The following LDAH variants were observed in gnomAD, a reference collection of about 807,000 sequenced individuals.
LDAH encodes lipid droplet-associated hydrolase.
A neutral mutation model predicts 29.6 loss-of-function variants in LDAH; 26 were observed. The ratio of observed to expected loss-of-function variants is 0.88; its 90% CI spans 0.64 to 1.22. LDAH has a LOEUF of 1.22. Ranked by LOEUF, LDAH falls within the 50% of genes most tolerant of loss-of-function variation. LDAH has a pLI of 0.00. For missense variants in LDAH, 344 were observed against 387.3 expected (o/e 0.89, Z 0.94); for synonymous variants, 117 against 133.0 (o/e 0.88, Z 0.83).
chr2:20,714,760 G>A (rs1364139336), intron 5 of LDAH, among the ~76,000 whole-genome samples: 8 of 152,140 alleles, frequency 5.3e-5, no homozygotes, highest in African/African-American at 1.4e-4. Flanking sequence ...ACACTTCTAC[G>A]CAAATAAACT....
At chr2:20,767,361 C>T (rs1207350012) in intron 4 of LDAH, among the ~76,000 whole-genome samples, 1 of 152,224 alleles carries the variant, frequency 6.6e-6, no homozygotes, top group East Asian at 1.9e-4. Flanking sequence ...GCTCCTGGTG[C>T]CCGCTCTGAT....
chr2:20,706,219 G>GA (rs943683840), intron 5 of LDAH, among the ~76,000 whole-genome samples: 9 of 151,832 alleles, frequency 5.9e-5, no homozygotes, highest in Non-Finnish European at 1.3e-4. Context: ...GGGCTTAGGA[G>GA]AAAAAAAAGT....
chr2:20,717,936 T>C (rs1003667620), intron 5 of LDAH, among the ~76,000 whole-genome samples: 17 of 152,186 alleles, frequency 1.1e-4, no homozygotes, highest in Non-Finnish European at 2.5e-4. Context: ...CAGGAGTGCT[T>C]ACAAAAACAT....
At chr2:20,772,858 C>T (rs1669526446) in intron 4 of LDAH, among the ~76,000 whole-genome samples, 1 of 152,188 alleles carries the variant, frequency 6.6e-6, no homozygotes, top group African/African-American at 2.4e-5. Context: ...TGTCAAAAAC[C>T]ACAAGAGTGA....
At chr2:20,762,438 T>C (rs537655994) in intron 4 of LDAH, among the ~76,000 whole-genome samples, 191 of 152,326 alleles carry the variant, frequency 1.3e-3, no homozygotes, top group African/African-American at 4.4e-3. Flanking sequence ...ATAAGCCACC[T>C]GGTATTTACC....
rs1412485826 is a variant in LDAH at position 20,684,824 on chromosome 2, C to T, written c.*2079G>A. ...GGTTGACTGGGACATACAGGCAGAG[C>T]TGCTTCTGGAAAATGGATTTCTTCC... On this transcript the variant is annotated 3_prime_UTR_variant, in exon 7 of 7. Transcript: ENST00000237822. 7 of 1,528,410 alleles carry T rather than the reference C, an allele frequency of 4.6e-6. No homozygotes were observed. Among genetic ancestry groups the T allele is most frequent in the Non-Finnish European group, 3.5e-6 (4 of 1,134,710 alleles). 94.7% of individuals were successfully genotyped at this position (1,528,410 alleles called of 1,614,324 possible).
At chr2:20,708,661 C>T (rs1186863553) in intron 5 of LDAH, among the ~76,000 whole-genome samples, 2 of 152,182 alleles carry the variant, frequency 1.3e-5, no homozygotes, top group Non-Finnish European at 2.9e-5. Context: ...CACTACCTCA[C>T]ATGACATAGG....
chr2:20,704,198 T>C (rs1454115676), intron 5 of LDAH, among the ~76,000 whole-genome samples: 4 of 152,190 alleles, frequency 2.6e-5, no homozygotes, highest in African/African-American at 9.7e-5. Context: ...TCCTAAAAAG[T>C]AGCACTTTAA....
Position 20,687,207 on chromosome 2 carries a change from G to A in LDAH, c.787-113C>T, listed in dbSNP as rs1421666847. 3.9e-6 allele frequency: 3 copies of A among 767,534 alleles called. No homozygotes were observed. In the East Asian group the frequency reaches 8.1e-5, roughly 21 times the overall value. The allele number at this position is 767,534 out of a possible 1,614,324, so 47.5% of individuals were successfully genotyped here. A position where few individuals can be genotyped will look rare whatever the true frequency, so the allele number is the denominator to read the frequency against. ...ACAGCACCTACGCCTGACCCTGGGA[G>A]CTAGTCCCTAAGCTCTCTCCAGAGT... On this transcript the variant is annotated intron_variant, in intron 6 of 6. Transcript: ENST00000237822.
chr2:20,734,647 A>T (rs1666656171), intron 5 of LDAH, among the ~76,000 whole-genome samples: 3 of 152,166 alleles, frequency 2.0e-5, no homozygotes, highest in Non-Finnish European at 4.4e-5. Flanking sequence ...CAGTGCTATA[A>T]TTTTTGCTTT....
At chr2:20,715,560 G>T (rs1665114851) in intron 5 of LDAH, among the ~76,000 whole-genome samples, 1 of 152,112 alleles carries the variant, frequency 6.6e-6, no homozygotes, top group South Asian at 2.1e-4. Context: ...GAAATAAAGG[G>T]TATTCAATTA....
chr2:20,747,410 A>C (rs557973492), intron 4 of LDAH, among the ~76,000 whole-genome samples: 1 of 152,282 alleles, frequency 6.6e-6, no homozygotes, highest in South Asian at 2.1e-4. Flanking sequence ...AAAATAGCAC[A>C]CAGTTTCTCT....
chr2:20,821,853 T>C (rs1463126910), intron 1 of LDAH, among the ~76,000 whole-genome samples: 1 of 152,150 alleles, frequency 6.6e-6, no homozygotes, highest in East Asian at 1.9e-4. Flanking sequence ...ATATAAAATT[T>C]TAGATGGGCA....
chr2:20,758,570 A>C (rs1256059055), intron 4 of LDAH, among the ~76,000 whole-genome samples: 1 of 152,186 alleles, frequency 6.6e-6, no homozygotes, highest in Non-Finnish European at 1.5e-5. Flanking sequence ...ATCTAACAGG[A>C]AAAATCAAAG....
chr2:20,711,633 C>G (rs947030158), intron 5 of LDAH, among the ~76,000 whole-genome samples: 3 of 152,138 alleles, frequency 2.0e-5, no homozygotes, highest in Non-Finnish European at 1.5e-5. Context: ...CTTTCCTAGC[C>G]AAGAGAAGCC....
At chr2:20,764,004 G>A (rs555257528) in intron 4 of LDAH, among the ~76,000 whole-genome samples, 4 of 150,758 alleles carry the variant, frequency 2.7e-5, no homozygotes, top group African/African-American at 4.9e-5. Flanking sequence ...AACATATTAA[G>A]TCGTTTTTGA....
chr2:20,746,181 CA>C (rs1228276274), intron 4 of LDAH, among the ~76,000 whole-genome samples: 2 of 152,088 alleles, frequency 1.3e-5, no homozygotes, highest in African/African-American at 4.8e-5. Context: ...AAGAATGTAC[CA>C]CACAGATTCC....
chr2:20,685,705 G>T lies in LDAH; in HGVS notation c.*1198C>A, dbSNP rs1470725673. The T allele has an allele frequency of 6.5e-7, 1 of 1,531,264 alleles. No homozygotes were observed. Among genetic ancestry groups the T allele is most frequent in the African/African-American group, 1.4e-5 (1 of 72,652 alleles). 94.9% of individuals were successfully genotyped at this position (1,531,264 alleles called of 1,614,324 possible). ...TGATCCATGATCAACTGTCACTGCA[G>T]TATGTGGTTCTCAAGATTGAGTCAA... On this transcript the variant is annotated 3_prime_UTR_variant, in exon 7 of 7. Transcript: ENST00000237822.
intron 6 of LDAH, among the ~76,000 whole-genome samples, chr2:20,697,467 T>C (rs1663574732): frequency 6.6e-6 from 1 of 152,240 alleles, no homozygotes; most frequent in Non-Finnish European, 1.5e-5. Flanking sequence ...ACCAAATTCC[T>C]AGGGCTAACT....
Sources: allele counts gnomAD v4.1 joint callset (sites outside exome capture counted in the v4.1 genomes callset), GRCh38; gene constraint gnomAD v4.1.1; transcripts MANE v1.5; gene names NCBI Gene and HGNC (gene_info 2026-07-23, HGNC 2026-07-21).